XKR9: variants seen among roughly 807,000 people sequenced by gnomAD.
XKR9 encodes XK related 9.
Under a neutral mutation model 32.0 loss-of-function variants are expected in XKR9, and 32 were observed. The ratio of observed to expected loss-of-function variants is 1.00; its 90% CI spans 0.76 to 1.34. The LOEUF (loss-of-function observed/expected upper bound fraction) is 1.34, where lower values mean the gene tolerates loss of function less well. Ranked by LOEUF, XKR9 falls within the 40% of genes most tolerant of loss-of-function variation. XKR9 has a pLI of 0.00. For missense variants in XKR9, 546 were observed against 429.7 expected, an observed-to-expected ratio of 1.27 and a Z score of -2.39; for synonymous variants, 168 against 143.4, an observed-to-expected ratio of 1.17 and a Z score of -1.22.
At chr8:70,774,340 G>T (rs1586893109) in intron 2 of XKR9, among the ~76,000 whole-genome samples, 1 of 152,000 alleles carries the variant, frequency 6.6e-6, no homozygotes, top group East Asian at 1.9e-4. Flanking sequence ...TTGTTATGTT[G>T]CTTAGGCTGG....
the XKR9 span, among the ~76,000 whole-genome samples, chr8:71,002,881 C>T: frequency 6.6e-6 from 1 of 152,204 alleles, no homozygotes; most frequent in Non-Finnish European, 1.5e-5. Flanking sequence ...GCAGGAGATT[C>T]GTTCTCTAAT....
chr8:70,947,493 T>C, the XKR9 span, among the ~76,000 whole-genome samples: 1 of 152,240 alleles, frequency 6.6e-6, no homozygotes, highest in South Asian at 2.1e-4. Flanking sequence ...AGAAAAGTAC[T>C]CCTGAATGTG....
the XKR9 span, among the ~76,000 whole-genome samples, chr8:70,888,723 A>G: frequency 2.2e-4 from 34 of 152,058 alleles, no homozygotes; most frequent in African/African-American, 8.2e-4. Flanking sequence ...TCATTCCCTA[A>G]TAAATGTTCT....
chr8:70,755,611 G>A (rs1156370120), intron 2 of XKR9, among the ~76,000 whole-genome samples: 2 of 151,980 alleles, frequency 1.3e-5, no homozygotes, highest in Non-Finnish European at 2.9e-5. Flanking sequence ...CCTTTGTAGG[G>A]ACATGGATGA....
At chr8:70,850,755 G>A in the XKR9 span, among the ~76,000 whole-genome samples, 13 of 152,048 alleles carry the variant, frequency 8.5e-5, no homozygotes, top group African/African-American at 2.9e-4. Flanking sequence ...AAAACACTTG[G>A]TAAACAAGGT....
chr8:71,050,763 C>T, the XKR9 span, among the ~76,000 whole-genome samples: 9 of 152,136 alleles, frequency 5.9e-5, no homozygotes, highest in African/African-American at 2.2e-4. Context: ...ATGAAATCTA[C>T]TGCACTTAGC....
At chr8:70,995,725 A>G in the XKR9 span, among the ~76,000 whole-genome samples, 1 of 152,106 alleles carries the variant, frequency 6.6e-6, no homozygotes, top group East Asian at 1.9e-4. Flanking sequence ...TCTGTTGCCC[A>G]AGCTGGCCTC....
the XKR9 span, among the ~76,000 whole-genome samples, chr8:70,876,836 C>T: frequency 1.3e-5 from 2 of 151,972 alleles, no homozygotes; most frequent in Admixed American, 6.6e-5. Flanking sequence ...AATTATAATA[C>T]TGGAGACGTG....
At chr8:70,695,639 C>G (rs268607) in intron 3 of XKR9, among the ~76,000 whole-genome samples, 49,092 of 151,412 alleles carry the variant, frequency 0.32, 8,442 homozygotes, top group East Asian at 0.66. Context: ...AATAAACATA[C>G]GTGTGCATGT....
At chr8:70,935,702 T>G in the XKR9 span, among the ~76,000 whole-genome samples, 1 of 152,170 alleles carries the variant, frequency 6.6e-6, no homozygotes, top group East Asian at 1.9e-4. Context: ...AATAAGAAAG[T>G]TAGCTGTTAA....
the XKR9 span, among the ~76,000 whole-genome samples, chr8:70,895,940 C>G: frequency 1.6e-4 from 25 of 151,952 alleles, no homozygotes; most frequent in East Asian, 4.8e-3. Flanking sequence ...CCCAGGAAGT[C>G]GAGGCTGCGG....
the XKR9 span, among the ~76,000 whole-genome samples, chr8:71,053,668 C>G: frequency 6.6e-6 from 1 of 152,162 alleles, no homozygotes; most frequent in Non-Finnish European, 1.5e-5. Context: ...GCTGTTTTAG[C>G]TTTCCTTGAA....
intron 2 of XKR9, among the ~76,000 whole-genome samples, chr8:70,787,939 A>AT (rs1807710108): frequency 6.6e-6 from 1 of 152,122 alleles, no homozygotes; most frequent in Non-Finnish European, 1.5e-5. Context: ...ATTAAGAGGA[A>AT]TAGGTCCATG....
the XKR9 span, among the ~76,000 whole-genome samples, chr8:71,031,386 A>G: frequency 6.6e-6 from 1 of 152,226 alleles, no homozygotes; most frequent in East Asian, 1.9e-4. Flanking sequence ...TATGAAGACC[A>G]CTATGGTACC....
intron 3 of XKR9, 137 bp from the exon 4 acceptor site, chr8:70,706,796 A>G: frequency 1.4e-6 from 1 of 699,746 alleles, no homozygotes; most frequent in Non-Finnish European, 2.3e-6. Flanking sequence ...TGTTCACAAA[A>G]AATCTGTAGT....
the XKR9 span, among the ~76,000 whole-genome samples, chr8:70,980,825 C>A: frequency 6.6e-6 from 1 of 152,162 alleles, no homozygotes; most frequent in Non-Finnish European, 1.5e-5. Context: ...TCTTGTAGTG[C>A]TGGCTTTGTA....
At chr8:70,685,897 A>T (rs1043031592) in intron 3 of XKR9, among the ~76,000 whole-genome samples, 1 of 151,642 alleles carries the variant, frequency 6.6e-6, no homozygotes, top group Non-Finnish European at 1.5e-5. Context: ...TAAAATAAAA[A>T]AAATTATATT....
the XKR9 span, among the ~76,000 whole-genome samples, chr8:70,820,756 T>A: frequency 5.9e-5 from 9 of 152,166 alleles, no homozygotes; most frequent in Admixed American, 5.9e-4. Context: ...TATAAAACCA[T>A]CAGATATCGT....
the XKR9 span, among the ~76,000 whole-genome samples, chr8:70,820,960 G>A: frequency 7.2e-5 from 11 of 152,008 alleles, no homozygotes; most frequent in South Asian, 8.3e-4. Flanking sequence ...AAAACCAATC[G>A]TGCATTCCCA....
Sources: gnomAD v4.1 joint callset for allele counts (sites outside exome capture counted in the v4.1 genomes callset) on GRCh38, gnomAD v4.1.1 for gene constraint, MANE v1.5 for transcripts, NCBI Gene and HGNC (gene_info 2026-07-23, HGNC 2026-07-21) for gene names.